Variants in ANKRD17 observed in about 807,000 individuals in gnomAD.
ANKRD17 encodes ankyrin repeat domain 17.
In ANKRD17, 19 loss-of-function variants were observed where a neutral mutation model predicts 229.7. That is an observed-to-expected ratio of 0.08 (90% CI 0.06 to 0.12). ANKRD17 has a LOEUF of 0.12. Among genes scored for constraint, ANKRD17 ranks in the 10% least tolerant of loss-of-function variants. The pLI, the probability that ANKRD17 is intolerant of heterozygous loss-of-function variation, is 1.00. For missense variants in ANKRD17, 2,176 were observed against 3,176.8 expected (o/e 0.68, Z 7.57); for synonymous variants, 1,112 against 1,146.1 (o/e 0.97, Z 0.60).
chr4:73,126,727 ATTATT>A (rs1177598294), intron 16 of ANKRD17, among the ~76,000 whole-genome samples: 6 of 151,908 alleles, frequency 3.9e-5, no homozygotes, highest in African/African-American at 1.5e-4. Context: ...TCATACTTTT[ATTATT>A]TATTTTATTT....
chr4:73,091,468 C>G lies in ANKRD17; in HGVS notation c.6160G>C (p.Gly2054Arg). The change falls in exon 29 of 34, where the codon GGG becomes CGG. Residue 2054 changes from glycine (G) to arginine (R), a missense_variant. Gly to Arg is a moderately radical substitution (Grantham distance 125). Transcript: ENST00000358602. ...SSPSPPAQPGGVSRNSPLDCG... is the reference protein window; with the variant it reads ...SSPSPPAQPGRVSRNSPLDCG... ...TCCAAAGGGCTGTTTCTAGAAACCC[C>G]TCCTGGCTGGGCTGGTGGTGATGGG... 6.2e-7 allele frequency: 1 copy of G among 1,614,126 alleles called. No homozygotes were observed. Among genetic ancestry groups the G allele is most frequent in the Non-Finnish European group, 8.5e-7 (1 of 1,180,008 alleles).
intron 16 of ANKRD17, among the ~76,000 whole-genome samples, chr4:73,126,588 T>C (rs1184362067): frequency 6.6e-6 from 1 of 152,190 alleles, no homozygotes; most frequent in Non-Finnish European, 1.5e-5. Flanking sequence ...ACTATTATAA[T>C]GAGACATGAC....
At chr4:73,172,065 A>C (rs1298940505) in intron 2 of ANKRD17, among the ~76,000 whole-genome samples, 1 of 152,204 alleles carries the variant, frequency 6.6e-6, no homozygotes, top group Non-Finnish European at 1.5e-5. Context: ...ATATTTAAGT[A>C]CAAGAAGGTT....
In ANKRD17 at chr4:73,139,696, T is replaced by C. The variant is rs1220843504; in HGVS notation, c.2920A>G (p.Ile974Val). 5.0e-6 allele frequency: 8 copies of C among 1,614,174 alleles called. No individual in the cohort carries two copies. Among genetic ancestry groups the C allele is most frequent in the South Asian group, 1.1e-5 (1 of 91,082 alleles). Residue 974 changes from isoleucine to valine, a missense_variant, in exon 15 of 34, where the codon ATC (isoleucine) becomes GTC (valine). Around this residue, in one of 18 missense-constraint regions of ANKRD17, gnomAD observed 230 missense variants for 252.3 expected, o/e 0.91. Coordinates refer to ENST00000358602, the MANE Select transcript of ANKRD17 (RefSeq NM_032217.5). ...CCTTGCAGTTCTGTAAGATTTGCGA[T>C]GGACCCTGGAGGCAAGGGACCTGCC... ...LAAGPLPPGS[I>V]ANLTELQGVI...
In ANKRD17 at chr4:73,139,647, A is replaced by G. The variant is rs755344613; in HGVS notation, c.2969T>C (p.Leu990Pro). The G allele has an allele frequency of 1.2e-6, 2 of 1,614,132 alleles. No homozygotes were observed. The highest frequency in any genetic ancestry group is 2.2e-5 in the South Asian group (2 of 91,080). ...CAGCCCTGCCAACTGTGCTTGGCCC[A>G]GTACTGGCTGTCCAACTATCACTCC... ...LQGVIVGQPV[L>P]GQAQLAGLGQ... is the part of the protein sequence containing the mutation. Residue 990 changes from leucine (L) to proline (P), a missense_variant, in exon 15 of 34, where the codon CTG (leucine) becomes CCG (proline). Around this residue, in one of 18 missense-constraint regions of ANKRD17, gnomAD observed 230 missense variants for 252.3 expected, o/e 0.91. Transcript: ENST00000358602.
chr4:73,222,147 AAAAG>A (rs1283725885), intron 1 of ANKRD17, among the ~76,000 whole-genome samples: 1 of 152,156 alleles, frequency 6.6e-6, no homozygotes, highest in African/African-American at 2.4e-5. Context: ...ATGAGGAAAA[AAAAG>A]AAAAACCCTA....
chr4:73,125,195 C>T lies in ANKRD17; in HGVS notation c.3346+6G>A. ...TTCCAAAAAATAAAACAAAAGTAGG[C>T]CCTACCTTTCTTGTCTCGGTGCTCT... On this transcript the variant is annotated splice_donor_region_variant and intron_variant, in intron 17 of 33. Coordinates refer to ENST00000358602, the MANE Select transcript of ANKRD17 (RefSeq NM_032217.5). 1.3e-6 allele frequency: 2 copies of T among 1,596,252 alleles called. No individual in the cohort carries two copies. The highest frequency in any genetic ancestry group is 1.7e-6 in the Non-Finnish European group (2 of 1,174,482).
intron 1 of ANKRD17, among the ~76,000 whole-genome samples, chr4:73,217,653 A>G (rs1482051450): frequency 2.0e-5 from 3 of 152,056 alleles, no homozygotes; most frequent in Non-Finnish European, 4.4e-5. Flanking sequence ...CGAGCCACTC[A>G]CTGCACCTAG....
chr4:73,191,339 A>ATGTGTGTGTG (rs1203366910), intron 1 of ANKRD17, among the ~76,000 whole-genome samples: 525 of 60,776 alleles, frequency 8.6e-3, no homozygotes, highest in African/African-American at 0.012. Flanking sequence ...CAAAAAATAT[A>ATGTGTGTGTG]TATGTGTGTG....
At chr4:73,108,057 A>G (rs1724852193) in intron 24 of ANKRD17, among the ~76,000 whole-genome samples, 1 of 152,210 alleles carries the variant, frequency 6.6e-6, no homozygotes, top group Non-Finnish European at 1.5e-5. Context: ...GGAGTACAGT[A>G]GCACAATCAC....
At chr4:73,180,726 T>G (rs1735435449) in intron 1 of ANKRD17, among the ~76,000 whole-genome samples, 1 of 152,128 alleles carries the variant, frequency 6.6e-6, no homozygotes, top group African/African-American at 2.4e-5. Context: ...TATCCCTCAT[T>G]TATGATTAAT....
intron 1 of ANKRD17, among the ~76,000 whole-genome samples, chr4:73,218,978 T>C (rs535176210): frequency 4.6e-5 from 7 of 152,226 alleles, no homozygotes; most frequent in African/African-American, 1.4e-4. Flanking sequence ...GGAGAATCAC[T>C]TGAACCCAGG....
At chr4:73,113,278 C>T in intron 24 of ANKRD17, 1 of 1,289,256 alleles carries the variant, frequency 7.8e-7, no homozygotes, top group South Asian at 1.2e-5. Context: ...TTTTACTCCC[C>T]ATGGGAATAG....
chr4:73,148,105 A>T (rs1730528607), intron 8 of ANKRD17, among the ~76,000 whole-genome samples: 1 of 152,212 alleles, frequency 6.6e-6, no homozygotes, highest in South Asian at 2.1e-4. Flanking sequence ...TGGAGTTATG[A>T]TTCAACCTAA....
intron 1 of ANKRD17, 146 bp downstream of exon 1, chr4:73,258,130 G>A: frequency 4.9e-6 from 7 of 1,433,626 alleles, no homozygotes; most frequent in Non-Finnish European, 6.6e-6. Flanking sequence ...CACGATTTAG[G>A]CCGAGGGAAG....
chr4:73,129,296 G>A (rs1157818464), intron 16 of ANKRD17, among the ~76,000 whole-genome samples: 1 of 152,092 alleles, frequency 6.6e-6, no homozygotes, highest in Non-Finnish European at 1.5e-5. Context: ...TTATCAACAT[G>A]ACTATTCAAT....
At chr4:73,110,049 A>T (rs1339969665) in intron 24 of ANKRD17, among the ~76,000 whole-genome samples, 3 of 151,644 alleles carry the variant, frequency 2.0e-5, no homozygotes, top group Non-Finnish European at 4.4e-5. Flanking sequence ...AGAGGAAAAA[A>T]ACTAAAATGA....
At chr4:73,179,313 G>T (rs1167729292) in intron 1 of ANKRD17, among the ~76,000 whole-genome samples, 1 of 150,082 alleles carries the variant, frequency 6.7e-6, no homozygotes, top group Non-Finnish European at 1.5e-5. Context: ...ATAAAATTTT[G>T]TTCTACATTA....
intron 1 of ANKRD17, among the ~76,000 whole-genome samples, chr4:73,255,088 G>A (rs1745341518): frequency 6.6e-6 from 1 of 152,086 alleles, no homozygotes; most frequent in South Asian, 2.1e-4. Context: ...GTAGCTCTTG[G>A]TCTTATTTGT....
Sources: gnomAD v4.1 joint callset for allele counts (sites outside exome capture counted in the v4.1 genomes callset) on GRCh38, gnomAD v4.1.1 for gene constraint, gnomAD v4.1.1 regional missense constraint, MANE v1.5 for transcripts, NCBI Gene and HGNC (gene_info 2026-07-23, HGNC 2026-07-21) for gene names.